Variants in GLT1D1 observed in about 807,000 individuals in gnomAD.
The protein encoded by GLT1D1 is glycosyltransferase 1 domain-containing protein 1.
In GLT1D1, 21 loss-of-function variants were observed where a neutral mutation model predicts 28.7. The ratio of observed to expected loss-of-function variants is 0.73; its 90% CI spans 0.52 to 1.05. GLT1D1 has a LOEUF of 1.05. Among genes scored for constraint, GLT1D1 ranks in the 50% least tolerant of loss-of-function variants. The probability of loss-of-function intolerance (pLI) is 0.00; values close to 1 mark genes in which losing one functional copy is unlikely to be tolerated. For synonymous variants in GLT1D1, 147 were observed against 124.8 expected, an observed-to-expected ratio of 1.18 and a Z score of -1.19; for missense variants, 343 against 330.6, an observed-to-expected ratio of 1.04 and a Z score of -0.29.
At chr12:128,860,931 A>G (rs1012606420) in intron 1 of GLT1D1, among the ~76,000 whole-genome samples, 1 of 152,144 alleles carries the variant, frequency 6.6e-6, no homozygotes, top group African/African-American at 2.4e-5. Context: ...TGAAGTTCAA[A>G]ATTAAAAGCA....
chr12:128,877,399 G>T (rs1463483074), intron 2 of GLT1D1, among the ~76,000 whole-genome samples: 1 of 152,194 alleles, frequency 6.6e-6, no homozygotes, highest in Non-Finnish European at 1.5e-5. Flanking sequence ...GTTTTTTACT[G>T]AAGGTGATTT....
intron 6 of GLT1D1, among the ~76,000 whole-genome samples, chr12:128,956,725 T>G (rs1484701029): frequency 2.0e-5 from 3 of 152,230 alleles, no homozygotes; most frequent in Non-Finnish European, 4.4e-5. Context: ...CTCCTCCTCC[T>G]CCTCTTTCCT....
intron 7 of GLT1D1, among the ~76,000 whole-genome samples, chr12:128,964,244 G>T (rs1878239690): frequency 6.6e-6 from 1 of 152,184 alleles, no homozygotes; most frequent in Admixed American, 6.5e-5. Flanking sequence ...TTATCTGGGG[G>T]TGGTGACAGA....
chr12:128,854,133 G>C (rs1415736373), intron 1 of GLT1D1, among the ~76,000 whole-genome samples: 1 of 152,164 alleles, frequency 6.6e-6, no homozygotes, highest in East Asian at 1.9e-4. Flanking sequence ...CCTCCCCTCT[G>C]CCCTGTCTAT....
chr12:128,961,760 T>G (rs770952904), intron 7 of GLT1D1, among the ~76,000 whole-genome samples: 1 of 152,104 alleles, frequency 6.6e-6, no homozygotes, highest in African/African-American at 2.4e-5. Flanking sequence ...CAAATGCTAA[T>G]CTCTTCCAGA....
chr12:128,861,639 T>G (rs2135759997), intron 1 of GLT1D1, among the ~76,000 whole-genome samples: 1 of 152,272 alleles, frequency 6.6e-6, no homozygotes, highest in Middle Eastern at 3.4e-3. Context: ...GTGTTTGTTG[T>G]GTTTCTCCAT....
At chr12:128,874,118 CTCTCTCTCTTTCTTTCTTTCTT>C (rs1251740825) in intron 1 of GLT1D1, among the ~76,000 whole-genome samples, 10 of 64,086 alleles carry the variant, frequency 1.6e-4, no homozygotes, top group South Asian at 8.8e-4. Flanking sequence ...CTCTCTCTCT[CTCTCTCTCTTTCTTTCTTTCTT>C]TCTTTCTTTC....
At chr12:128,904,623 CTTTTTTTTTTTTTTTTTT>C (rs59189244) in intron 4 of GLT1D1, among the ~76,000 whole-genome samples, 27 of 139,316 alleles carry the variant, frequency 1.9e-4, no homozygotes, top group African/African-American at 2.1e-4. Context: ...TGAAAACAGT[CTTTTTTTTTTTTTTTTTT>C]TTTTTTTTTT....
At chr12:128,949,162 T>C (rs1293142162) in intron 6 of GLT1D1, among the ~76,000 whole-genome samples, 1 of 152,248 alleles carries the variant, frequency 6.6e-6, no homozygotes, top group Non-Finnish European at 1.5e-5. Flanking sequence ...TGCTCCTTTG[T>C]AGGTAAATAT....
intron 1 of GLT1D1, among the ~76,000 whole-genome samples, chr12:128,865,589 G>C (rs377247583): frequency 1.3e-5 from 2 of 152,154 alleles, no homozygotes; most frequent in African/African-American, 4.8e-5. Context: ...TTGGGAGGCC[G>C]AATTGGGCAG....
intron 4 of GLT1D1, among the ~76,000 whole-genome samples, chr12:128,922,866 T>G (rs1872781647): frequency 7.4e-6 from 1 of 135,082 alleles, no homozygotes; most frequent in African/African-American, 2.8e-5. Context: ...GAGGTTGCAG[T>G]GAGCCGAGAA....
chr12:128,894,043 G>C (rs1032707389), intron 3 of GLT1D1, among the ~76,000 whole-genome samples: 1 of 152,120 alleles, frequency 6.6e-6, no homozygotes, highest in Non-Finnish European at 1.5e-5. Context: ...CCCAGATACA[G>C]TTTCCTTGCA....
intron 7 of GLT1D1, among the ~76,000 whole-genome samples, 173 bp from the exon 12 acceptor site, chr12:128,982,756 A>G (rs1880461239): frequency 6.6e-6 from 1 of 151,566 alleles, no homozygotes; most frequent in South Asian, 2.1e-4. Flanking sequence ...ATTATTTCCT[A>G]CTCAGTCTCA....
At chr12:128,968,926 C>T (rs543328758) in intron 7 of GLT1D1, among the ~76,000 whole-genome samples, 11 of 152,178 alleles carry the variant, frequency 7.2e-5, no homozygotes, top group East Asian at 5.8e-4. Context: ...CTGCTGCTGC[C>T]GTGGCAACTC....
intron 4 of GLT1D1, among the ~76,000 whole-genome samples, chr12:128,902,832 C>G (rs138153967): frequency 0.056 from 8,416 of 151,464 alleles, 350 homozygotes; most frequent in Middle Eastern, 0.11. Flanking sequence ...CACCTGAGGT[C>G]AAGAGTTCAA....
chr12:128,923,710 C>T (rs751636369), intron 4 of GLT1D1, among the ~76,000 whole-genome samples: 3 of 151,782 alleles, frequency 2.0e-5, no homozygotes, highest in Non-Finnish European at 4.4e-5. Flanking sequence ...TTAGTAGAGA[C>T]GGGATTTCAC....
chr12:128,894,136 T>C (rs1258772252), intron 3 of GLT1D1, among the ~76,000 whole-genome samples: 1 of 152,128 alleles, frequency 6.6e-6, no homozygotes, highest in East Asian at 1.9e-4. Flanking sequence ...CGAGCCTCCT[T>C]CCGCGTCAGC....
At chr12:128,895,132 G>A (rs1303141221) in intron 3 of GLT1D1, among the ~76,000 whole-genome samples, 2 of 151,742 alleles carry the variant, frequency 1.3e-5, no homozygotes, top group Admixed American at 1.3e-4. Context: ...TCTGGAAATG[G>A]CTATTTCTCA....
At chr12:128,906,548 T>C (rs901205233) in intron 4 of GLT1D1, among the ~76,000 whole-genome samples, 1 of 152,158 alleles carries the variant, frequency 6.6e-6, no homozygotes, top group African/African-American at 2.4e-5. Context: ...TTATCTAAAC[T>C]CAAATATTTA....
Sources: gnomAD v4.1 joint callset for allele counts (sites outside exome capture counted in the v4.1 genomes callset) on GRCh38, gnomAD v4.1.1 for gene constraint, MANE v1.5 for transcripts, NCBI Gene and HGNC (gene_info 2026-07-23, HGNC 2026-07-21) for gene names.